CNTN5: variants seen among roughly 807,000 people sequenced by gnomAD.
CNTN5 encodes the protein contactin 5, also known as contactin-5.
CNTN5 carries 77 observed loss-of-function variants against 129.1 expected under a neutral mutation model. The observed-to-expected ratio is 0.60, with a 90% CI of 0.50 to 0.72. The LOEUF is 0.72. Among genes scored for constraint, CNTN5 ranks in the 30% least tolerant of loss-of-function variants. The probability of loss-of-function intolerance (pLI) is 0.00; values close to 1 mark genes in which losing one functional copy is unlikely to be tolerated. For missense variants in CNTN5, 1,478 were observed against 1,328.8 expected (o/e 1.11, Z -1.75); for synonymous variants, 509 against 465.6 (o/e 1.09, Z -1.20).
intron 13 of CNTN5, among the ~76,000 whole-genome samples, chr11:100,158,698 C>A (rs1024803529): frequency 2.0e-5 from 3 of 151,654 alleles, no homozygotes; most frequent in African/African-American, 7.3e-5. Flanking sequence ...CTGAAAATAC[C>A]AAGTTATAAT....
intron 13 of CNTN5, among the ~76,000 whole-genome samples, chr11:100,087,520 C>A (rs1944600222): frequency 6.6e-6 from 1 of 151,740 alleles, no homozygotes; most frequent in Admixed American, 6.6e-5. Context: ...ACAAGCCAAT[C>A]ACCCTCATGA....
intron 8 of CNTN5, among the ~76,000 whole-genome samples, chr11:99,981,812 C>T (rs1319591671): frequency 6.6e-6 from 1 of 152,158 alleles, no homozygotes; most frequent in Non-Finnish European, 1.5e-5. Context: ...TATCACTATG[C>T]TTGTAGCAGA....
rs901631170 is a variant in CNTN5, at chr11:100,318,672, T to G, written c.2730+10204T>G. Among the ~76,000 whole-genome samples, 5 of 152,188 alleles carry G rather than the reference T, an allele frequency of 3.3e-5. No homozygotes were observed. In the South Asian group the frequency reaches 1.0e-3, roughly 31 times the overall value. ...CTAAATTGTGAAAAAATCTTCTTCC[T>G]CTTGAGGGCTGGGTTTATACCTTAA... is the stretch of plus-strand genomic sequence containing the variant. On this transcript the variant is annotated intron_variant, in intron 21 of 24. Coordinates refer to ENST00000524871, the MANE Select transcript of CNTN5 (RefSeq NM_014361.4).
intron 3 of CNTN5, among the ~76,000 whole-genome samples, chr11:99,804,773 T>C (rs537591813): frequency 6.6e-6 from 1 of 150,998 alleles, no homozygotes; most frequent in South Asian, 2.1e-4. Context: ...TAGAAGTACA[T>C]CTTACAGAAT....
At chr11:100,280,543 T>C (rs1204026026) in intron 18 of CNTN5, among the ~76,000 whole-genome samples, 2 of 152,124 alleles carry the variant, frequency 1.3e-5, no homozygotes, top group Non-Finnish European at 2.9e-5. Context: ...TATGTTTTTC[T>C]ATCCCTGTGT....
At chr11:99,231,571 T>G (rs1324791705) in intron 1 of CNTN5, among the ~76,000 whole-genome samples, 1 of 152,204 alleles carries the variant, frequency 6.6e-6, no homozygotes, top group African/African-American at 2.4e-5. Context: ...ATGGATAGAT[T>G]GCAAAAATTT....
intron 24 of CNTN5, among the ~76,000 whole-genome samples, chr11:100,355,456 T>C (rs892820344): frequency 2.7e-4 from 41 of 151,818 alleles, no homozygotes; most frequent in African/African-American, 9.6e-4. Flanking sequence ...TAAGTAGGAG[T>C]ACACTAAAAT....
intron 8 of CNTN5, among the ~76,000 whole-genome samples, chr11:99,984,674 A>G (rs757693195): frequency 1.4e-4 from 22 of 152,194 alleles, no homozygotes; most frequent in Non-Finnish European, 3.1e-4. Context: ...ATATTTTTAG[A>G]CAAGGACCAA....
At chr11:100,232,102 C>T (rs1222403972) in intron 16 of CNTN5, among the ~76,000 whole-genome samples, 3 of 151,636 alleles carry the variant, frequency 2.0e-5, no homozygotes, top group Admixed American at 1.3e-4. Context: ...TGCAGTGAGC[C>T]GAGATTGCAT....
chr11:99,062,035 A>G (rs1254990626), intron 1 of CNTN5, among the ~76,000 whole-genome samples: 1 of 152,098 alleles, frequency 6.6e-6, no homozygotes, highest in Non-Finnish European at 1.5e-5. Flanking sequence ...TGCAGATTCA[A>G]TAATTAAAGC....
chr11:100,194,367 G>A (rs1162353316), intron 15 of CNTN5, among the ~76,000 whole-genome samples: 1 of 151,760 alleles, frequency 6.6e-6, no homozygotes. Context: ...ATGGAACTGG[G>A]GTGGCAGAAA....
At chr11:99,447,407 T>C (rs760072797) in intron 2 of CNTN5, among the ~76,000 whole-genome samples, 1 of 152,170 alleles carries the variant, frequency 6.6e-6, no homozygotes, top group Non-Finnish European at 1.5e-5. Flanking sequence ...AACTATCCTC[T>C]TCTATCATTG....
intron 23 of CNTN5, among the ~76,000 whole-genome samples, chr11:100,349,059 T>C (rs886148122): frequency 6.6e-6 from 1 of 151,922 alleles, no homozygotes; most frequent in African/African-American, 2.4e-5. Flanking sequence ...ACAATAAGGA[T>C]TTCCATAGAT....
At chr11:99,402,421 T>C (rs7927311) in intron 2 of CNTN5, among the ~76,000 whole-genome samples, 152,074 of 152,266 alleles carry the variant, frequency 1, 75,942 homozygotes, top group Middle Eastern at 1. Context: ...GGGTAAATTC[T>C]GCTTGATCAT....
intron 3 of CNTN5, among the ~76,000 whole-genome samples, chr11:99,620,309 C>T (rs1358784958): frequency 6.6e-6 from 1 of 151,446 alleles, no homozygotes; most frequent in African/African-American, 2.4e-5. Context: ...TTTTTAACCT[C>T]GTCTTTATCT....
intron 8 of CNTN5, among the ~76,000 whole-genome samples, chr11:99,978,691 T>C (rs1938150746): frequency 6.6e-6 from 1 of 152,144 alleles, no homozygotes; most frequent in African/African-American, 2.4e-5. Flanking sequence ...TCATCTAGGT[T>C]TTTGTAAGTG....
intron 3 of CNTN5, among the ~76,000 whole-genome samples, chr11:99,614,304 A>G (rs1024788156): frequency 2.0e-5 from 3 of 152,224 alleles, no homozygotes; most frequent in African/African-American, 7.2e-5. Flanking sequence ...TTCCGAATCA[A>G]GTCATAATAA....
At chr11:99,233,490 A>C (rs1482931001) in intron 1 of CNTN5, among the ~76,000 whole-genome samples, 1 of 152,190 alleles carries the variant, frequency 6.6e-6, no homozygotes, top group Non-Finnish European at 1.5e-5. Context: ...ATATCGTCAA[A>C]TAATAATATT....
At chr11:99,330,478 T>C (rs185060728) in intron 2 of CNTN5, among the ~76,000 whole-genome samples, 1 of 152,284 alleles carries the variant, frequency 6.6e-6, no homozygotes, top group Non-Finnish European at 1.5e-5. Flanking sequence ...TGCGTAGTAT[T>C]GTGCTGGATT....
Sources: gnomAD v4.1 joint callset for allele counts (sites outside exome capture counted in the v4.1 genomes callset) on GRCh38, gnomAD v4.1.1 for gene constraint, MANE v1.5 for transcripts, NCBI Gene and HGNC (gene_info 2026-07-23, HGNC 2026-07-21) for gene names.